MSRA: variants seen among roughly 807,000 people sequenced by gnomAD.
MSRA encodes methionine sulfoxide reductase A.
Under a neutral mutation model 31.3 loss-of-function variants are expected in MSRA, and 54 were observed. The observed-to-expected ratio is 1.73, with a 90% CI of 1.39 to 2.17. The LOEUF is 2.17. Ranked by LOEUF, MSRA falls within the 30% of genes most tolerant of loss-of-function variation. The probability of loss-of-function intolerance (pLI) is 0.00; values close to 1 mark genes in which losing one functional copy is unlikely to be tolerated. For missense variants in MSRA, 507 were observed against 300.9 expected (o/e 1.69, Z -5.07); for synonymous variants, 169 against 116.5 (o/e 1.45, Z -2.90).
intron 1 of MSRA, among the ~76,000 whole-genome samples, chr8:10,187,110 C>T (rs1012360677): frequency 1.3e-5 from 2 of 152,164 alleles, no homozygotes; most frequent in South Asian, 2.1e-4. Context: ...TACCTGGCAG[C>T]ATGCTACAGA....
chr8:10,340,609 G>T (rs1803365517), intron 5 of MSRA, among the ~76,000 whole-genome samples: 1 of 152,240 alleles, frequency 6.6e-6, no homozygotes, highest in Non-Finnish European at 1.5e-5. Flanking sequence ...CTGGCCTCAA[G>T]TGATCCGCCT....
intron 5 of MSRA, among the ~76,000 whole-genome samples, chr8:10,389,927 C>G (rs555324168): frequency 1.3e-5 from 2 of 152,102 alleles, no homozygotes; most frequent in Non-Finnish European, 2.9e-5. Context: ...CAGGCCCAAA[C>G]GGTCAGATTC....
chr8:10,121,773 C>A (rs910122487), intron 1 of MSRA, among the ~76,000 whole-genome samples: 1 of 151,808 alleles, frequency 6.6e-6, no homozygotes, highest in Non-Finnish European at 1.5e-5. Flanking sequence ...TAAGCTCAAG[C>A]GATCCTCCCA....
At chr8:10,194,408 G>A (rs1038084084) in intron 1 of MSRA, among the ~76,000 whole-genome samples, 1 of 152,048 alleles carries the variant, frequency 6.6e-6, no homozygotes, top group Non-Finnish European at 1.5e-5. Flanking sequence ...TCTACTAAAA[G>A]TACAAAAACT....
At chr8:10,062,593 A>G (rs1797261510) in intron 1 of MSRA, among the ~76,000 whole-genome samples, 2 of 152,220 alleles carry the variant, frequency 1.3e-5, no homozygotes, top group Non-Finnish European at 1.5e-5. Flanking sequence ...TCATGCCAAC[A>G]GACACACGCA....
intron 1 of MSRA, among the ~76,000 whole-genome samples, chr8:10,063,838 A>G (rs1797328689): frequency 6.6e-6 from 1 of 152,166 alleles, no homozygotes; most frequent in Non-Finnish European, 1.5e-5. Context: ...GTTATGGTAA[A>G]TTGTTATAGC....
chr8:10,084,916 T>A (rs1253560875), intron 1 of MSRA, among the ~76,000 whole-genome samples: 1 of 152,220 alleles, frequency 6.6e-6, no homozygotes, highest in Non-Finnish European at 1.5e-5. Flanking sequence ...TTTTATTTTT[T>A]AAAAAATTTA....
intron 5 of MSRA, among the ~76,000 whole-genome samples, chr8:10,425,007 C>G (rs528789751): frequency 6.6e-6 from 1 of 152,314 alleles, no homozygotes; most frequent in East Asian, 1.9e-4. Flanking sequence ...TGGAGTTGTC[C>G]GAGGGGAGTG....
intron 1 of MSRA, among the ~76,000 whole-genome samples, chr8:10,097,353 G>A (rs1799228066): frequency 6.6e-6 from 1 of 152,082 alleles, no homozygotes; most frequent in Admixed American, 6.6e-5. Flanking sequence ...CTACGTCGCT[G>A]ATACTCCTAA....
chr8:10,063,724 G>A (rs1473281271), intron 1 of MSRA, among the ~76,000 whole-genome samples: 14 of 152,228 alleles, frequency 9.2e-5, no homozygotes, highest in Admixed American at 9.2e-4. Context: ...CCGTGAACCA[G>A]AATTTGGGCT....
At chr8:10,147,828 C>G (rs548203865) in intron 1 of MSRA, among the ~76,000 whole-genome samples, 19 of 152,354 alleles carry the variant, frequency 1.2e-4, no homozygotes, top group Admixed American at 8.5e-4. Flanking sequence ...TTTCTCTGGA[C>G]TGTCACTCCA....
chr8:10,088,518 TG>T (rs1798684986), intron 1 of MSRA, among the ~76,000 whole-genome samples: 1 of 152,058 alleles, frequency 6.6e-6, no homozygotes, highest in African/African-American at 2.4e-5. Flanking sequence ...GTGGATCACT[TG>T]GGGTCAGGAG....
At chr8:10,343,782 C>A (rs1487351715) in intron 5 of MSRA, among the ~76,000 whole-genome samples, 2 of 151,974 alleles carry the variant, frequency 1.3e-5, no homozygotes, top group African/African-American at 4.8e-5. Context: ...AGCAACAAAA[C>A]CAAAAAATAA....
rs192965670 is a variant in MSRA, at chr8:10,107,400, G to A, written c.142+52742G>A. Among the ~76,000 whole-genome samples, 204 of 152,112 alleles carry A rather than the reference G, an allele frequency of 1.3e-3. 1 individual carries two copies. Among genetic ancestry groups the A allele is most frequent in the African/African-American group, 4.5e-3 (187 of 41,510 alleles). On this transcript the variant is annotated intron_variant, in intron 1 of 5. Transcript: ENST00000317173. ...AAAATCTCCTTTTCTGACCTCCTGA[G>A]AAATAGATGCTAGAATCTCTGGGCA...
At chr8:10,143,042 G>A (rs1802840287) in intron 1 of MSRA, among the ~76,000 whole-genome samples, 1 of 152,130 alleles carries the variant, frequency 6.6e-6, no homozygotes, top group Admixed American at 6.5e-5. Context: ...AGAAGTAGAA[G>A]ATTTCACTGG....
At chr8:10,251,637 C>G (rs114430429) in intron 3 of MSRA, among the ~76,000 whole-genome samples, 2 of 152,172 alleles carry the variant, frequency 1.3e-5, no homozygotes, top group Admixed American at 6.5e-5. Flanking sequence ...AGACCCTTGA[C>G]TCATACCCTT....
At chr8:10,247,094 C>G (rs77778926) in intron 3 of MSRA, among the ~76,000 whole-genome samples, 4,473 of 152,266 alleles carry the variant, frequency 0.029, 81 homozygotes, top group African/African-American at 0.049. Context: ...TTGCTCGAAC[C>G]CTTTTCAGTT....
intron 3 of MSRA, among the ~76,000 whole-genome samples, chr8:10,253,353 G>A (rs773879781): frequency 6.6e-6 from 1 of 152,138 alleles, no homozygotes; most frequent in Non-Finnish European, 1.5e-5. Context: ...TGGTTTGGCT[G>A]TTCAACTCAC....
intron 2 of MSRA, among the ~76,000 whole-genome samples, chr8:10,226,393 T>C (rs1039196192): frequency 2.6e-5 from 4 of 152,194 alleles, no homozygotes; most frequent in African/African-American, 4.8e-5. Context: ...GCAGATTGCT[T>C]TGGGGACCTT....
Sources: gnomAD v4.1 joint callset for allele counts (sites outside exome capture counted in the v4.1 genomes callset) on GRCh38, gnomAD v4.1.1 for gene constraint, MANE v1.5 for transcripts, NCBI Gene and HGNC (gene_info 2026-07-23, HGNC 2026-07-21) for gene names.